EXOC6: variants seen among roughly 807,000 people sequenced by gnomAD.
EXOC6 encodes the protein SEC15-like 1.
In EXOC6, 60 loss-of-function variants were observed where a neutral mutation model predicts 112.5. The observed-to-expected ratio is 0.53, with a 90% CI of 0.43 to 0.66. The LOEUF (loss-of-function observed/expected upper bound fraction) is 0.66, where lower values mean the gene tolerates loss of function less well. Ranked by LOEUF, EXOC6 falls within the 30% of genes least tolerant of loss-of-function variation. The pLI is 0.00. For missense variants in EXOC6, 855 were observed against 957.1 expected (o/e 0.89, Z 1.41); for synonymous variants, 295 against 308.0 (o/e 0.96, Z 0.44).
At chr10:92,827,954 C>G (rs1036643145) in intron 1 of EXOC6, among the ~76,000 whole-genome samples, 1 of 152,146 alleles carries the variant, frequency 6.6e-6, no homozygotes, top group African/African-American at 2.4e-5. Context: ...CCCATTAGCT[C>G]CCCAAATCCT....
intron 1 of EXOC6, among the ~76,000 whole-genome samples, chr10:92,835,846 A>T (rs183026559): frequency 6.6e-6 from 1 of 152,210 alleles, no homozygotes; most frequent in African/African-American, 2.4e-5. Context: ...CAACTCCATT[A>T]TAACTATTAC....
intron 19 of EXOC6, among the ~76,000 whole-genome samples, chr10:92,999,879 T>C (rs1346091693): frequency 6.6e-6 from 1 of 152,064 alleles, no homozygotes; most frequent in Non-Finnish European, 1.5e-5. Context: ...ATTTTTTGTA[T>C]TTTTAATAGA....
intron 19 of EXOC6, among the ~76,000 whole-genome samples, chr10:93,006,806 G>A (rs1369325383): frequency 1.3e-5 from 2 of 152,128 alleles, no homozygotes; most frequent in African/African-American, 2.4e-5. Context: ...CAAATAGAAT[G>A]AATATTGGCA....
chr10:93,048,898 T>A (rs974791616), intron 20 of EXOC6, among the ~76,000 whole-genome samples: 4 of 152,170 alleles, frequency 2.6e-5, no homozygotes, highest in Non-Finnish European at 4.4e-5. Flanking sequence ...AGAATTATTT[T>A]AAAACTCAAC....
At position 92,961,356 on chromosome 10, in the gene EXOC6, C is replaced by T. The variant is rs1369947187; in HGVS notation, c.1773+5642C>T. Among the ~76,000 whole-genome samples, 8 of 152,018 alleles carry T rather than the reference C, an allele frequency of 5.3e-5. No individual in the cohort carries two copies. The East Asian group carries it at 1.5e-3, about 29-fold the overall frequency. ...ATTTATTTCTTTTGTCATCCTTTAC[C>T]ACCAACTTCTTTTCTGGTCTTCCCC... On this transcript the variant is annotated intron_variant, in intron 17 of 21. Transcript: ENST00000260762.
At chr10:92,909,771 A>G in intron 6 of EXOC6, 140 bp downstream of exon 6, 1 of 601,160 alleles carries the variant, frequency 1.7e-6, no homozygotes. Flanking sequence ...ATTGTTTAGA[A>G]AGGATTCTAT....
chr10:93,046,861 G>T (rs927055644), intron 20 of EXOC6, among the ~76,000 whole-genome samples: 1 of 152,088 alleles, frequency 6.6e-6, no homozygotes, highest in Non-Finnish European at 1.5e-5. Flanking sequence ...GCCTCCCAAA[G>T]TGCTGGGATT....
At position 92,995,275 on chromosome 10, in the gene EXOC6, C is replaced by G. The variant is rs151152436; in HGVS notation, c.1954-2199C>G. 3.7e-3 allele frequency among the ~76,000 whole-genome samples: 560 copies of G among 152,102 alleles called. 2 individuals are homozygous for G. The highest frequency in any genetic ancestry group is 0.012 in the African/African-American group (516 of 41,496). On this transcript the variant is annotated intron_variant, in intron 18 of 21. Transcript: ENST00000260762. ...ACCAGGTTTCTGGAATAGCCTGTGT[C>G]TACTCTTACCATCGTTTTCAGCTCC... is the stretch of plus-strand genomic sequence containing the variant.
intron 9 of EXOC6, among the ~76,000 whole-genome samples, chr10:92,931,281 A>AT (rs879604128): frequency 2.2e-4 from 32 of 147,252 alleles, no homozygotes; most frequent in Middle Eastern, 3.5e-3. Context: ...TGGACAAAAG[A>AT]TTTTTTTTTT....
chr10:92,834,835 G>A (rs371984000), intron 1 of EXOC6: 38 of 1,545,204 alleles, frequency 2.5e-5, no homozygotes, highest in South Asian at 7.9e-5. Context: ...GTAGGGCACC[G>A]TTGCATTTTA....
chr10:92,827,854 G>C (rs1846411782), intron 1 of EXOC6, among the ~76,000 whole-genome samples: 1 of 152,116 alleles, frequency 6.6e-6, no homozygotes, highest in Admixed American at 6.5e-5. Flanking sequence ...TGGCTCCACT[G>C]GGTTTGGGAA....
chr10:92,848,575 C>G lies in EXOC6; in HGVS notation c.42C>G (p.His14Gln). The G allele has an allele frequency of 6.9e-7, 1 of 1,453,974 alleles. No homozygotes were observed. Among genetic ancestry groups the G allele is most frequent in the Non-Finnish European group, 9.2e-7 (1 of 1,086,382 alleles). 90.1% of individuals were successfully genotyped at this position (1,453,974 alleles called of 1,614,324 possible). Residue 14 changes from histidine to glutamine, a missense_variant, in exon 1 of 22, where the codon CAC becomes CAG. Coordinates refer to ENST00000260762, the MANE Select transcript of EXOC6 (RefSeq NM_019053.6). The part of the protein sequence containing the change: ...NSESLGTVPE[H>Q]ERILQEIEST... ...AGAGTCTGGGCACCGTCCCCGAGCACGAGCGGATCTTGCAGGAGATCGAGA... is the reference window on the plus strand; with the variant it reads ...AGAGTCTGGGCACCGTCCCCGAGCAGGAGCGGATCTTGCAGGAGATCGAGA...
In EXOC6 at chr10:93,058,660, G is replaced by T. The variant is rs138029724; in HGVS notation, c.*305G>T. The T allele has an allele frequency of 1.6e-3, 328 of 209,210 alleles. No homozygotes were observed. Among genetic ancestry groups the T allele is most frequent in the African/African-American group, 6.8e-3 (294 of 43,020 alleles). 13.0% of individuals were successfully genotyped at this position (209,210 alleles called of 1,614,324 possible). A position where few individuals can be genotyped will look rare whatever the true frequency, so the allele number is the denominator to read the frequency against. ...TTACAAATACATTTGAAAAACATATGCCTCTACTCATAAGTATTTTTTTCT... is the reference window on the plus strand; with the variant it reads ...TTACAAATACATTTGAAAAACATATTCCTCTACTCATAAGTATTTTTTTCT... On this transcript the variant is annotated 3_prime_UTR_variant, in exon 22 of 22. Transcript: ENST00000260762.
At chr10:92,896,918 T>C (rs1849860581) in intron 4 of EXOC6, among the ~76,000 whole-genome samples, 1 of 152,204 alleles carries the variant, frequency 6.6e-6, no homozygotes, top group African/African-American at 2.4e-5. Flanking sequence ...TCTACTCAGC[T>C]TAATCTCTGA....
At chr10:92,867,357 C>T (rs555111766) in intron 1 of EXOC6, among the ~76,000 whole-genome samples, 39 of 152,156 alleles carry the variant, frequency 2.6e-4, no homozygotes, top group Non-Finnish European at 4.0e-4. Context: ...ACTTACTGGC[C>T]ATGCAGTAAC....
At chr10:93,022,871 A>T (rs1480012669) in intron 20 of EXOC6, among the ~76,000 whole-genome samples, 1 of 152,200 alleles carries the variant, frequency 6.6e-6, no homozygotes, top group Admixed American at 6.5e-5. Context: ...TCCTTACTTC[A>T]TAAAGCTATT....
intron 20 of EXOC6, among the ~76,000 whole-genome samples, chr10:93,041,379 C>A (rs112530996): frequency 5.3e-5 from 8 of 152,060 alleles, no homozygotes; most frequent in African/African-American, 1.4e-4. Context: ...TGTCAGCTCC[C>A]TTGTTTGTTT....
chr10:92,981,452 A>C (rs933644283), intron 18 of EXOC6, among the ~76,000 whole-genome samples: 1 of 152,224 alleles, frequency 6.6e-6, no homozygotes, highest in Non-Finnish European at 1.5e-5. Flanking sequence ...AGACATGTAA[A>C]TGACAGTGAG....
intron 1 of EXOC6, among the ~76,000 whole-genome samples, chr10:92,887,566 A>G (rs1437839140): frequency 2.0e-5 from 3 of 151,400 alleles, no homozygotes; most frequent in Non-Finnish European, 4.4e-5. Context: ...CACCCAGCTA[A>G]TTTTGGTATT....
Sources: allele counts gnomAD v4.1 joint callset (sites outside exome capture counted in the v4.1 genomes callset), GRCh38; gene constraint gnomAD v4.1.1; transcripts MANE v1.5; gene names NCBI Gene and HGNC (gene_info 2026-07-23, HGNC 2026-07-21).